ABI3BP: variants seen among roughly 807,000 people sequenced by gnomAD.
The protein encoded by ABI3BP is ABI family member 3 binding protein.
Under a neutral mutation model 268.6 loss-of-function variants are expected in ABI3BP, and 216 were observed. The observed-to-expected ratio is 0.80, with a 90% CI of 0.72 to 0.90. The LOEUF is 0.90. Ranked by LOEUF, ABI3BP falls within the 40% of genes least tolerant of loss-of-function variation. ABI3BP has a pLI of 0.00. For missense variants in ABI3BP, 2,090 were observed against 2,182.4 expected (o/e 0.96, Z 0.84); for synonymous variants, 730 against 730.0 (o/e 1.00, Z 0.00).
chr3:100,951,938 G>T (rs1222327982), intron 1 of ABI3BP, among the ~76,000 whole-genome samples: 2 of 149,978 alleles, frequency 1.3e-5, no homozygotes, highest in Non-Finnish European at 2.9e-5. Context: ...TAAATTACTT[G>T]CAATGAGTTG....
chr3:100,971,235 C>G (rs2153879849), intron 1 of ABI3BP, among the ~76,000 whole-genome samples: 1 of 152,286 alleles, frequency 6.6e-6, no homozygotes, highest in Non-Finnish European at 1.5e-5. Context: ...ACTTATTTGA[C>G]AAGACTTTTA....
At chr3:100,975,969 T>C (rs1403474835) in intron 1 of ABI3BP, among the ~76,000 whole-genome samples, 2 of 152,192 alleles carry the variant, frequency 1.3e-5, no homozygotes, top group East Asian at 1.9e-4. Context: ...AGAAACTTCT[T>C]ACCCAATTTT....
Position 100,753,814 on chromosome 3 carries a change from C to G in ABI3BP, c.4960+5G>C. ...TAGTTGTGCCTCATTGAGACAGGTA[C>G]TTACCAGAAACTGGCTCACTCACTC... is the stretch of plus-strand genomic sequence containing the variant. On this transcript the variant is annotated splice_donor_5th_base_variant and intron_variant, in intron 65 of 67. Transcript: ENST00000471714. The G allele has an allele frequency of 6.2e-7, 1 of 1,611,130 alleles. No homozygotes were observed. The highest frequency in any genetic ancestry group is 8.5e-7 in the Non-Finnish European group (1 of 1,178,798).
intron 21 of ABI3BP, 122 bp from the exon 22 acceptor site, chr3:100,840,980 C>G (rs1317730289): frequency 2.7e-6 from 2 of 742,234 alleles, no homozygotes; most frequent in Non-Finnish European, 4.1e-6. Flanking sequence ...AATGGTGAAG[C>G]TTTTATCCAC....
chr3:100,807,945 C>G (rs1360545274), intron 50 of ABI3BP, among the ~76,000 whole-genome samples: 2 of 151,742 alleles, frequency 1.3e-5, no homozygotes, highest in East Asian at 3.9e-4. Flanking sequence ...TTCAATAACA[C>G]AACATTAAGG....
At position 100,829,684 on chromosome 3, in the gene ABI3BP, G is replaced by T; in HGVS notation, c.2459-20C>A. On this transcript the variant is annotated intron_variant, in intron 32 of 67. Coordinates refer to ENST00000471714, the MANE Select transcript of ABI3BP (RefSeq NM_001375547.2). ...TGGGAGCTAAAGGAAGAAAACTTCA[G>T]GTTAATACAGCGTGTTTGGTTCCGG... 6.6e-7 allele frequency: 1 copy of T among 1,516,384 alleles called. No homozygotes were observed. Among genetic ancestry groups the T allele is most frequent in the Non-Finnish European group, 8.9e-7 (1 of 1,128,878 alleles). 93.9% of individuals were successfully genotyped at this position (1,516,384 alleles called of 1,614,324 possible).
At chr3:100,811,116 T>C (rs2097851511) in intron 48 of ABI3BP, 114 bp downstream of exon 48, 1 of 823,854 alleles carries the variant, frequency 1.2e-6, no homozygotes. Flanking sequence ...GTAACTGCCA[T>C]GGCGAAGAGT....
Position 100,770,919 on chromosome 3 carries a change from T to C in ABI3BP, c.4565A>G (p.Asn1522Ser). 1 of 1,595,166 alleles carries C rather than the reference T, an allele frequency of 6.3e-7. No individual in the cohort carries two copies. Among genetic ancestry groups the C allele is most frequent in the Non-Finnish European group, 8.5e-7 (1 of 1,170,778 alleles). The change falls in exon 62 of 68, where the codon AAC becomes AGC. Residue 1522 changes from asparagine to serine, a missense_variant. Asn to Ser is a conservative substitution (Grantham distance 46). Transcript: ENST00000471714. ...PHVRYIQKPD[N>S]SPCSITDSVK... ...AGAGTCAGTAATGGAGCAGGGACTG[T>C]TGTCAGGCTTTTGGATGTATCGCAC...
At chr3:100,825,430 C>T (rs1478720792) in intron 35 of ABI3BP, among the ~76,000 whole-genome samples, 1 of 151,830 alleles carries the variant, frequency 6.6e-6, no homozygotes. Context: ...GTAAGAATAG[C>T]CGTTATTGCC....
chr3:100,979,278 A>C (rs1396335474), intron 1 of ABI3BP, among the ~76,000 whole-genome samples: 1 of 152,196 alleles, frequency 6.6e-6, no homozygotes, highest in Non-Finnish European at 1.5e-5. Context: ...TCAAGTCATA[A>C]AATTTCTTTC....
chr3:100,853,104 A>G (rs115555684), intron 14 of ABI3BP, among the ~76,000 whole-genome samples: 3,041 of 152,334 alleles, frequency 0.02, 91 homozygotes, highest in African/African-American at 0.068. Flanking sequence ...TAAGAAAGAT[A>G]GTATCAGACC....
chr3:100,860,788 C>T (rs191052861), intron 14 of ABI3BP, among the ~76,000 whole-genome samples: 4 of 152,142 alleles, frequency 2.6e-5, no homozygotes, highest in South Asian at 2.1e-4. Flanking sequence ...ATGTTATAAC[C>T]GAAAAGCTAA....
At chr3:100,862,477 C>T in intron 13 of ABI3BP, 92 bp from the exon 14 acceptor site, 1 of 798,964 alleles carries the variant, frequency 1.3e-6, no homozygotes, top group African/African-American at 1.8e-5. Context: ...GGTTAAGTGG[C>T]TACCAGAAGC....
Position 100,830,613 on chromosome 3 carries a change from G to T in ABI3BP, c.2423C>A (p.Pro808Gln). 6.5e-7 allele frequency: 1 copy of T among 1,533,254 alleles called. No homozygotes were observed. The highest frequency in any genetic ancestry group is 2.4e-5 in the East Asian group (1 of 40,882). The allele number at this position is 1,533,254 out of a possible 1,614,324, so 95.0% of individuals were successfully genotyped here. A position where few individuals can be genotyped will look rare whatever the true frequency, so the allele number is the denominator to read the frequency against. ...CCCTGAAGCCTCAGTTCTAAGAACT[G>T]GTTCGAGGATTGTGGCAGGAACTGA... ...TKLVPATILE[P>Q]VLRTEASGTT... The change falls in exon 32 of 68, where the codon CCA (proline) becomes CAA (glutamine). Residue 808 changes from proline to glutamine, a missense_variant. By Grantham distance (76) the Pro-to-Gln change is moderately conservative. Transcript: ENST00000471714.
chr3:100,820,415 G>T, intron 39 of ABI3BP, 112 bp from the exon 40 acceptor site: 2 of 818,460 alleles, frequency 2.4e-6, no homozygotes, highest in Non-Finnish European at 1.8e-6. Context: ...CATATTTCAG[G>T]AAATTTGTCT....
At chr3:100,929,568 C>T (rs1233751873) in intron 1 of ABI3BP, among the ~76,000 whole-genome samples, 1 of 152,072 alleles carries the variant, frequency 6.6e-6, no homozygotes, top group Non-Finnish European at 1.5e-5. Flanking sequence ...CTCATCTCAA[C>T]ACAGCATCAC....
chr3:100,977,290 A>C (rs1388662475), intron 1 of ABI3BP, among the ~76,000 whole-genome samples: 1 of 152,236 alleles, frequency 6.6e-6, no homozygotes, highest in Non-Finnish European at 1.5e-5. Flanking sequence ...ATAATAAATT[A>C]ACCCAAAGCT....
chr3:100,907,055 C>T (rs1371021072), intron 2 of ABI3BP, among the ~76,000 whole-genome samples: 1 of 152,164 alleles, frequency 6.6e-6, no homozygotes, highest in Non-Finnish European at 1.5e-5. Flanking sequence ...ATTTTCTGGA[C>T]ATAAGAGCAC....
intron 46 of ABI3BP, 49 bp from the exon 47 acceptor site, chr3:100,811,848 C>T (rs2097867552): frequency 3.9e-6 from 5 of 1,291,584 alleles, no homozygotes; most frequent in Non-Finnish European, 5.4e-6. Context: ...ACCCAAAGCA[C>T]ACTGTAATAG....
Sources: gnomAD v4.1 joint callset for allele counts (sites outside exome capture counted in the v4.1 genomes callset) on GRCh38, gnomAD v4.1.1 for gene constraint, MANE v1.5 for transcripts, NCBI Gene and HGNC (gene_info 2026-07-23, HGNC 2026-07-21) for gene names.